The following TMPRSS3 variants were observed in gnomAD, a reference collection of about 807,000 sequenced individuals.
TMPRSS3 encodes the protein transmembrane serine protease 3.
TMPRSS3 carries 55 observed loss-of-function variants against 59.6 expected under a neutral mutation model. The observed-to-expected ratio is 0.92, with a 90% CI of 0.74 to 1.16. The LOEUF (loss-of-function observed/expected upper bound fraction) is 1.16. Ranked by LOEUF, TMPRSS3 falls within the 50% of genes most tolerant of loss-of-function variation. The probability of loss-of-function intolerance (pLI) is 0.00; values close to 1 mark genes in which losing one functional copy is unlikely to be tolerated. For missense variants in TMPRSS3, 596 were observed against 579.4 expected (o/e 1.03, Z -0.29); for synonymous variants, 257 against 237.7 (o/e 1.08, Z -0.75).
chr21:42,379,398 A>G (rs908044367), intron 10 of TMPRSS3, among the ~76,000 whole-genome samples: 1 of 152,170 alleles, frequency 6.6e-6, no homozygotes, highest in African/African-American at 2.4e-5. Context: ...AATGGCCTCA[A>G]GGGATCCCAT....
chr21:42,385,530 C>G lies in TMPRSS3; in HGVS notation c.451G>C (p.Val151Leu), dbSNP rs187406481. Reference protein sequence around the residue: ...ACAQLGFPSYVSSDNLRVSSL... With the variant: ...ACAQLGFPSYLSSDNLRVSSL... The stretch of plus-strand genomic sequence containing the variant: ...CTCACTCTGAGGTTATCTGAACTCA[C>G]ATAGCTGCAAGCACATTGGAAAGAC... The change falls in exon 6 of 13, where the codon GTG (valine) becomes CTG (leucine). Residue 151 changes from valine (V) to leucine (L), a missense_variant. Val to Leu is a conservative substitution (Grantham distance 32). Coordinates refer to ENST00000644384, the MANE Select transcript of TMPRSS3 (RefSeq NM_001256317.3). 6.2e-7 allele frequency: 1 copy of G among 1,614,124 alleles called. No individual in the cohort carries two copies. The highest frequency in any genetic ancestry group is 2.2e-5 in the East Asian group (1 of 44,868).
At chr21:42,377,377 C>T (rs542589020) in intron 10 of TMPRSS3, among the ~76,000 whole-genome samples, 19 of 152,272 alleles carry the variant, frequency 1.2e-4, no homozygotes, top group African/African-American at 4.1e-4. Context: ...AGGAGGGGCA[C>T]GAGCCAAGCA....
At chr21:42,394,387 ATC>A (rs2052773604) in intron 2 of TMPRSS3, among the ~76,000 whole-genome samples, 2 of 152,226 alleles carry the variant, frequency 1.3e-5, no homozygotes, top group South Asian at 4.1e-4. Flanking sequence ...ACCTGCCTAT[ATC>A]TGTACTGTGC....
Position 42,389,039 on chromosome 21 carries a change from A to C in TMPRSS3, c.212T>G (p.Phe71Cys), listed in dbSNP as rs185332310. 2 of 1,614,172 alleles carry C rather than the reference A, an allele frequency of 1.2e-6. No individual in the cohort carries two copies. Among genetic ancestry groups the C allele is most frequent in the East Asian group, 2.2e-5 (1 of 44,882 alleles). The change falls in exon 4 of 13, where the codon TTC becomes TGC. Residue 71 changes from phenylalanine (F) to cysteine (C), a missense_variant. Phe to Cys is a radical substitution (Grantham distance 205, BLOSUM62 -2). Transcript: ENST00000644384. ...LALAIGLGIH[F>C]DCSGKYRCRS... The stretch of plus-strand genomic sequence containing the variant: ...ACATCTGTACTTCCCTGAGCAGTCG[A>C]AGTGGACTGGGAAAAGGGAGGAAGG...
intron 2 of TMPRSS3, chr21:42,390,359 G>C (rs1164019214): frequency 2.8e-6 from 1 of 358,454 alleles, no homozygotes; most frequent in Non-Finnish European, 5.4e-6. Context: ...GGCCTGGAGA[G>C]TCTTTACAGA....
intron 2 of TMPRSS3, among the ~76,000 whole-genome samples, chr21:42,391,089 C>A (rs1201005641): frequency 6.6e-6 from 1 of 152,242 alleles, no homozygotes; most frequent in Non-Finnish European, 1.5e-5. Context: ...AGCATCCCAA[C>A]TTCCAAGGCT....
chr21:42,379,952 C>T (rs1457680890), intron 10 of TMPRSS3, among the ~76,000 whole-genome samples, 165 bp downstream of exon 10: 2 of 152,170 alleles, frequency 1.3e-5, no homozygotes, highest in African/African-American at 4.8e-5. Context: ...ACTCCTGACC[C>T]ACAGTTCCTT....
intron 10 of TMPRSS3, among the ~76,000 whole-genome samples, chr21:42,379,835 C>T (rs573286286): frequency 4.6e-5 from 7 of 152,150 alleles, no homozygotes; most frequent in African/African-American, 9.6e-5. Context: ...TTAACAAGGC[C>T]GGGGGTCCGG....
chr21:42,380,941 C>T (rs753798017), intron 9 of TMPRSS3, among the ~76,000 whole-genome samples: 1 of 152,204 alleles, frequency 6.6e-6, no homozygotes. Context: ...TTTCCTATAA[C>T]CAATATCATT....
chr21:42,377,466 C>T (rs947793787), intron 10 of TMPRSS3, among the ~76,000 whole-genome samples: 20 of 152,254 alleles, frequency 1.3e-4, no homozygotes, highest in Non-Finnish European at 2.1e-4. Context: ...GCACAGCCCA[C>T]ACTTGACGCC....
In TMPRSS3 at chr21:42,375,726, T is replaced by G; in HGVS notation, c.1334A>C (p.Glu445Ala). 6.2e-7 allele frequency: 1 copy of G among 1,613,756 alleles called. No homozygotes were observed. The highest frequency in any genetic ancestry group is 8.5e-7 in the Non-Finnish European group (1 of 1,180,022). Residue 445 changes from glutamate to alanine, a missense_variant, in exon 12 of 13, where the codon GAG becomes GCG. Physicochemically the swap from Glu to Ala is moderately radical, Grantham distance 107. Coordinates refer to ENST00000644384, the MANE Select transcript of TMPRSS3 (RefSeq NM_001256317.3). Reference sequence around the variant, plus strand: ...GGGCGCCGCACCCACCTCCATCTGCTCGTGGATCCAGTCCAGGAAGGAGGT... The same window carrying G: ...GGGCGCCGCACCCACCTCCATCTGCGCGTGGATCCAGTCCAGGAAGGAGGT... ...RVTSFLDWIH[E>A]QMERDLKT is the part of the protein sequence containing the mutation.
chr21:42,378,288 G>A (rs900439390), intron 10 of TMPRSS3, among the ~76,000 whole-genome samples: 1 of 152,242 alleles, frequency 6.6e-6, no homozygotes, highest in African/African-American at 2.4e-5. Context: ...CTTCAGCTGG[G>A]GGTGGGCTCA....
In TMPRSS3 at chr21:42,395,414, C is replaced by T; in HGVS notation, c.4G>A (p.Gly2Arg). 6.2e-7 allele frequency: 1 copy of T among 1,614,108 alleles called. No homozygotes were observed. Among genetic ancestry groups the T allele is most frequent in the Non-Finnish European group, 8.5e-7 (1 of 1,179,954 alleles). Residue 2 changes from glycine to arginine, a missense_variant, in exon 2 of 13, where the codon GGG (glycine) becomes AGG (arginine). Coordinates refer to ENST00000644384, the MANE Select transcript of TMPRSS3 (RefSeq NM_001256317.3). M[G>R]ENDPPAVEAP... ...TCAACAGCAGGCGGATCATTTTCCCCCATGGTGACTATTTCAGGACCTCTG... is the reference window on the plus strand; with the variant it reads ...TCAACAGCAGGCGGATCATTTTCCCTCATGGTGACTATTTCAGGACCTCTG...
chr21:42,373,664 G>A (rs185446451), intron 12 of TMPRSS3, among the ~76,000 whole-genome samples: 12 of 152,312 alleles, frequency 7.9e-5, no homozygotes, highest in Admixed American at 2.6e-4. Context: ...TGATTCTGCT[G>A]TGCAGTCACA....
intron 5 of TMPRSS3, among the ~76,000 whole-genome samples, chr21:42,386,640 C>T (rs2052638190): frequency 6.6e-6 from 1 of 152,262 alleles, no homozygotes; most frequent in Non-Finnish European, 1.5e-5. Flanking sequence ...GTCAGCGGAA[C>T]TTCAGTTCCC....
At chr21:42,381,877 A>G (rs1485701791) in intron 9 of TMPRSS3, 188 bp downstream of exon 9, 2 of 774,762 alleles carry the variant, frequency 2.6e-6, no homozygotes, top group Non-Finnish European at 4.4e-6. Context: ...ACCAAGAGCT[A>G]GGAGCATCAC....
intron 5 of TMPRSS3, among the ~76,000 whole-genome samples, chr21:42,387,661 G>A (rs1046235268): frequency 2.0e-5 from 3 of 152,182 alleles, no homozygotes; most frequent in South Asian, 2.1e-4. Flanking sequence ...TGGCTTTAAC[G>A]ACCCCATCTA....
chr21:42,376,545 C>A lies in TMPRSS3; in HGVS notation c.1187G>T (p.Cys396Phe), dbSNP rs773711263. 1.2e-6 allele frequency: 2 copies of A among 1,613,158 alleles called. No homozygotes were observed. The highest frequency in any genetic ancestry group is 1.7e-6 in the Non-Finnish European group (2 of 1,179,892). ...AGYLTGGVDS[C>F]QGDSGGPLVC... ...CCCACCGCTGCGGCCCCGTACCTGG[C>A]AGCTGTCCACGCCACCCGTCAGGTA... is the stretch of plus-strand genomic sequence containing the variant. The change falls in exon 11 of 13, where the codon TGC (cysteine) becomes TTC (phenylalanine). Residue 396 changes from cysteine to phenylalanine, a missense_variant. Coordinates refer to ENST00000644384, the MANE Select transcript of TMPRSS3 (RefSeq NM_001256317.3).
intron 5 of TMPRSS3, among the ~76,000 whole-genome samples, chr21:42,387,377 T>A (rs896582963): frequency 7.3e-5 from 11 of 151,180 alleles, no homozygotes; most frequent in Non-Finnish European, 3.0e-5. Flanking sequence ...GTGCAGTGTG[T>A]GTGTGTGTGT....
Sources: allele counts gnomAD v4.1 joint callset (sites outside exome capture counted in the v4.1 genomes callset), GRCh38; gene constraint gnomAD v4.1.1; transcripts MANE v1.5; gene names NCBI Gene and HGNC (gene_info 2026-07-23, HGNC 2026-07-21).